The following FBLN5 variants were observed in gnomAD, a reference collection of about 807,000 sequenced individuals.
FBLN5 encodes fibulin 5, also known as fibulin-5.
A neutral mutation model predicts 61.6 loss-of-function variants in FBLN5; 24 were observed. The observed-to-expected ratio is 0.39, with a 90% confidence interval of 0.28 to 0.55. The LOEUF (loss-of-function observed/expected upper bound fraction) is 0.55. FBLN5 is among the 20% of genes least tolerant of loss of function. The pLI is 0.65. For missense variants in FBLN5, 470 were observed against 594.1 expected (o/e 0.79, Z 2.17); for synonymous variants, 213 against 219.8 (o/e 0.97, Z 0.27).
At chr14:91,935,878 T>A (rs2056006429) in intron 4 of FBLN5, among the ~76,000 whole-genome samples, 1 of 152,110 alleles carries the variant, frequency 6.6e-6, no homozygotes, top group African/African-American at 2.4e-5. Context: ...TCACTCTTTC[T>A]CTCTCCCCAC....
chr14:91,919,169 A>G (rs2055681001), intron 4 of FBLN5, among the ~76,000 whole-genome samples: 1 of 151,924 alleles, frequency 6.6e-6, no homozygotes, highest in South Asian at 2.1e-4. Context: ...TGCCTCTAGT[A>G]AAAATACAAA....
intron 7 of FBLN5, among the ~76,000 whole-genome samples, chr14:91,885,480 C>A: frequency 6.6e-6 from 1 of 152,154 alleles, no homozygotes; most frequent in East Asian, 1.9e-4. Context: ...GCCCGCCTAC[C>A]TTGGATCCTC....
At chr14:91,932,838 C>CT (rs1322917567) in intron 4 of FBLN5, among the ~76,000 whole-genome samples, 1 of 152,182 alleles carries the variant, frequency 6.6e-6, no homozygotes, top group African/African-American at 2.4e-5. Context: ...ACAGTAAAGA[C>CT]TAAAAGACAT....
chr14:91,881,534 C>T, intron 8 of FBLN5, 116 bp from the exon 9 acceptor site: 1 of 1,133,726 alleles, frequency 8.8e-7, no homozygotes, highest in Non-Finnish European at 1.3e-6. Context: ...ATGGCAGCAA[C>T]AGGCCATATG....
At chr14:91,871,829 CCTGG>C (rs1888943901) in intron 10 of FBLN5, among the ~76,000 whole-genome samples, 1 of 151,708 alleles carries the variant, frequency 6.6e-6, no homozygotes, top group Non-Finnish European at 1.5e-5. Flanking sequence ...TATACTCCAC[CCTGG>C]ACAACGGCGA....
At chr14:91,929,037 G>A (rs890786967) in intron 4 of FBLN5, among the ~76,000 whole-genome samples, 7 of 151,186 alleles carry the variant, frequency 4.6e-5, no homozygotes, top group African/African-American at 9.8e-5. Context: ...CAGCCTGGGC[G>A]ATAGAGTGAG....
At chr14:91,917,624 G>A (rs1004345041) in intron 4 of FBLN5, among the ~76,000 whole-genome samples, 1 of 147,814 alleles carries the variant, frequency 6.8e-6, no homozygotes, top group South Asian at 2.2e-4. Context: ...AACAAAATAC[G>A]TTTAGGTAGT....
At chr14:91,890,567 T>A (rs1350628960) in intron 6 of FBLN5, among the ~76,000 whole-genome samples, 1 of 152,260 alleles carries the variant, frequency 6.6e-6, no homozygotes, top group East Asian at 1.9e-4. Context: ...AACCTTCAGA[T>A]GGAAACCACA....
At chr14:91,881,151 ACACG>A (rs1566801166) in intron 9 of FBLN5, 137 bp downstream of exon 9, 2 of 756,846 alleles carry the variant, frequency 2.6e-6, no homozygotes, top group Non-Finnish European at 4.6e-6. Context: ...ACACACACAC[ACACG>A]CATGAGCACA....
At chr14:91,901,294 C>T (rs183514192) in intron 4 of FBLN5, among the ~76,000 whole-genome samples, 65 of 152,300 alleles carry the variant, frequency 4.3e-4, no homozygotes, top group African/African-American at 1.5e-3. Flanking sequence ...TGTGTGAGAA[C>T]GGCCATCAGC....
chr14:91,906,304 A>C (rs1181097304), intron 4 of FBLN5, among the ~76,000 whole-genome samples: 1 of 152,186 alleles, frequency 6.6e-6, no homozygotes, highest in East Asian at 1.9e-4. Flanking sequence ...ACGACCCCAG[A>C]GTAGCAGAAA....
chr14:91,900,065 T>C (rs1378584206), intron 4 of FBLN5, among the ~76,000 whole-genome samples: 1 of 152,228 alleles, frequency 6.6e-6, no homozygotes, highest in Admixed American at 6.5e-5. Context: ...TCTCCTTCAC[T>C]GTATGGAGTT....
At chr14:91,890,626 T>C (rs992387675) in intron 6 of FBLN5, among the ~76,000 whole-genome samples, 11 of 152,358 alleles carry the variant, frequency 7.2e-5, no homozygotes, top group African/African-American at 2.2e-4. Context: ...CAAATGATCA[T>C]GTGAAAACCA....
intron 4 of FBLN5, among the ~76,000 whole-genome samples, chr14:91,911,608 G>A (rs934249350): frequency 3.9e-5 from 6 of 152,196 alleles, no homozygotes; most frequent in East Asian, 1.9e-4. Context: ...CACTAGCTCC[G>A]CAGTGGCCTT....
chr14:91,939,713 A>C (rs2056077776), intron 3 of FBLN5: 1 of 294,126 alleles, frequency 3.4e-6, no homozygotes, highest in Non-Finnish European at 6.6e-6. Flanking sequence ...CCATTGCAAA[A>C]GATGGCATGC....
At chr14:91,888,746 C>A (rs754746116) in intron 6 of FBLN5, among the ~76,000 whole-genome samples, 8 of 152,046 alleles carry the variant, frequency 5.3e-5, no homozygotes, top group Non-Finnish European at 8.8e-5. Flanking sequence ...GGAACTGGAA[C>A]ATGAGTCAGG....
intron 10 of FBLN5, among the ~76,000 whole-genome samples, chr14:91,875,179 G>A (rs945121470): frequency 6.6e-6 from 1 of 152,064 alleles, no homozygotes; most frequent in Non-Finnish European, 1.5e-5. Context: ...TCAATCAAGA[G>A]GGGTTTTCAA....
At chr14:91,898,796 C>CTTTTTTTTTTTTTTT (rs35840279) in intron 4 of FBLN5, among the ~76,000 whole-genome samples, 1 of 84,242 alleles carries the variant, frequency 1.2e-5, no homozygotes, top group Middle Eastern at 7.9e-3. Flanking sequence ...TTCATTCATT[C>CTTTTTTTTTTTTTTT]TTTTTTTTTT....
At chr14:91,880,980 T>C (rs1889413686) in intron 9 of FBLN5, among the ~76,000 whole-genome samples, 1 of 152,212 alleles carries the variant, frequency 6.6e-6, no homozygotes. Flanking sequence ...CAACCTACAG[T>C]AACACACTTT....
Sources: allele counts gnomAD v4.1 joint callset (sites outside exome capture counted in the v4.1 genomes callset), GRCh38; gene constraint gnomAD v4.1.1; transcripts MANE v1.5; gene names NCBI Gene and HGNC (gene_info 2026-07-23, HGNC 2026-07-21).